Variants in SGSM2 observed in about 807,000 individuals in gnomAD.
SGSM2 encodes RUN and TBC1 domain containing 1.
SGSM2 carries 89 observed loss-of-function variants against 126.6 expected under a neutral mutation model. The ratio of observed to expected loss-of-function variants is 0.70; its 90% CI spans 0.59 to 0.84. The LOEUF is 0.84. Ranked by LOEUF, SGSM2 falls within the 40% of genes least tolerant of loss-of-function variation. The probability of loss-of-function intolerance (pLI) is 0.00; values close to 1 mark genes in which losing one functional copy is unlikely to be tolerated. For missense variants in SGSM2, 1,404 were observed against 1,416.6 expected, an observed-to-expected ratio of 0.99 and a Z score of 0.14; for synonymous variants, 614 against 574.3, an observed-to-expected ratio of 1.07 and a Z score of -0.99.
At chr17:2,364,275 G>A (rs1451101370) in intron 8 of SGSM2, 92 bp downstream of exon 8, 1 of 1,505,730 alleles carries the variant, frequency 6.6e-7, no homozygotes, top group East Asian at 2.3e-5. Context: ...TGCTCCAGGA[G>A]GCCAACCTCA....
At chr17:2,368,117 G>A (rs1441045446) in intron 12 of SGSM2, among the ~76,000 whole-genome samples, 3 of 152,280 alleles carry the variant, frequency 2.0e-5, no homozygotes, top group South Asian at 2.1e-4. Context: ...CTTCACCTGC[G>A]CCAGGGATAT....
intron 1 of SGSM2, among the ~76,000 whole-genome samples, chr17:2,338,690 C>T (rs540280713): frequency 5.3e-5 from 8 of 151,094 alleles, no homozygotes; most frequent in African/African-American, 1.9e-4. Context: ...TTGGAGACTT[C>T]GAGGCCTGGT....
Position 2,379,107 on chromosome 17 carries a change from T to C in SGSM2, c.2971T>C (p.Phe991Leu). 1 of 1,614,190 alleles carries C rather than the reference T, an allele frequency of 6.2e-7. No individual in the cohort carries two copies. ...AGCCAGGCACATCTCATCGGAGCACTTTGTCCTGTTCATCGCCCTCGCCCT... is the reference window on the plus strand; with the variant it reads ...AGCCAGGCACATCTCATCGGAGCACCTTGTCCTGTTCATCGCCCTCGCCCT... The part of the protein sequence containing the change: ...WAARHISSEH[F>L]VLFIALALVE... The change falls in exon 23 of 24, where the codon TTT becomes CTT. Residue 991 changes from phenylalanine (F) to leucine (L), a missense_variant. Transcript: ENST00000268989.
intron 17 of SGSM2, chr17:2,373,767 T>C: frequency 2.1e-6 from 1 of 478,864 alleles, no homozygotes; most frequent in Admixed American, 3.6e-5. Context: ...AAAGATGGAC[T>C]TACTGGGATT....
rs2065652236 is a variant in SGSM2, at chr17:2,367,518, C to T, written c.1423+113C>T. ...AGTGTTGGCATTAGGGGACTTGCAC[C>T]CAGGGCAGTTCCCTTCCATCGGGGG... On this transcript the variant is annotated intron_variant, in intron 12 of 23. Transcript: ENST00000268989. The surrounding 1 kb of genome is among the most constrained non-coding windows in gnomAD (Gnocchi z 4.0). 8 of 1,231,372 alleles carry T rather than the reference C, an allele frequency of 6.5e-6. No homozygotes were observed. Among genetic ancestry groups the T allele is most frequent in the African/African-American group, 1.5e-5 (1 of 67,260 alleles). The allele number at this position is 1,231,372 out of a possible 1,614,324, so 76.3% of individuals were successfully genotyped here. A position where few individuals can be genotyped will look rare whatever the true frequency, so the allele number is the denominator to read the frequency against.
Position 2,365,074 on chromosome 17 carries a change from G to T in SGSM2, c.1161+17G>T, listed in dbSNP as rs747404030. On this transcript the variant is annotated intron_variant, in intron 10 of 23. Coordinates refer to ENST00000268989, the MANE Select transcript of SGSM2 (RefSeq NM_014853.3). The stretch of plus-strand genomic sequence containing the variant: ...CAAGGGAAGGTAACTCGGGTGGGAG[G>T]CTTTAGGGGAAGGGCTGTGTGTGGG... 6.2e-7 allele frequency: 1 copy of T among 1,609,416 alleles called. No homozygotes were observed. The highest frequency in any genetic ancestry group is 1.1e-5 in the South Asian group (1 of 91,050).
chr17:2,350,357 C>T (rs1437181642), intron 2 of SGSM2, among the ~76,000 whole-genome samples: 1 of 151,556 alleles, frequency 6.6e-6, no homozygotes. Context: ...CACCTGTAAT[C>T]GCAGCACTTT....
At chr17:2,342,869 C>T (rs1194385711) in intron 1 of SGSM2, among the ~76,000 whole-genome samples, 2 of 151,238 alleles carry the variant, frequency 1.3e-5, no homozygotes, top group Non-Finnish European at 3.0e-5. Context: ...CCCAGCTACT[C>T]GGGAGGCTGA....
At chr17:2,379,409 C>T (rs1567855970) in intron 23 of SGSM2, 23 bp from the exon 24 acceptor site, 1 of 1,607,566 alleles carries the variant, frequency 6.2e-7, no homozygotes, top group South Asian at 1.1e-5. Flanking sequence ...GGCCTCTCTA[C>T]AGCTCTTCAC....
At chr17:2,352,746 T>G (rs1157843029) in intron 2 of SGSM2, among the ~76,000 whole-genome samples, 1 of 146,230 alleles carries the variant, frequency 6.8e-6, no homozygotes, top group South Asian at 2.2e-4. Context: ...CTGATGACCC[T>G]CCTAACCACT....
At chr17:2,345,473 G>A (rs995762467) in intron 2 of SGSM2, among the ~76,000 whole-genome samples, 1 of 151,878 alleles carries the variant, frequency 6.6e-6, no homozygotes, top group Non-Finnish European at 1.5e-5. Flanking sequence ...GCGGGCGCCT[G>A]TAGTCCCAGC....
Position 2,380,432 on chromosome 17 carries a change from T to C in SGSM2, c.*912T>C. 1 of 872,456 alleles carries C rather than the reference T, an allele frequency of 1.1e-6. No individual in the cohort carries two copies. The highest frequency in any genetic ancestry group is 1.8e-6 in the Non-Finnish European group (1 of 551,098). The allele number at this position is 872,456 out of a possible 1,614,324, so 54.0% of individuals were successfully genotyped here. On this transcript the variant is annotated 3_prime_UTR_variant, in exon 24 of 24. Transcript: ENST00000268989. ...CTCAGTTCGAGGGCAGCCCATTATC[T>C]GTCGCAGACATCTGCCATGTCCCTG...
At position 2,375,731 on chromosome 17, in the gene SGSM2, C is replaced by A. The variant is rs771193641; in HGVS notation, c.2340C>A (p.Asp780Glu). Reference sequence around the variant, plus strand: ...AGAGCGTGGGCTTCGAAGAGGAGGACGGCGGTGGGGAGGAAGGCTCCAGTG... The same window carrying A: ...AGAGCGTGGGCTTCGAAGAGGAGGAAGGCGGTGGGGAGGAAGGCTCCAGTG... ...EGQSVGFEEE[D>E]GGGEEGSSGP... Residue 780 changes from aspartate to glutamate, a missense_variant, in exon 18 of 24, where the codon GAC (aspartate) becomes GAA (glutamate). Coordinates refer to ENST00000268989, the MANE Select transcript of SGSM2 (RefSeq NM_014853.3). 3 of 1,608,732 alleles carry A rather than the reference C, an allele frequency of 1.9e-6. No individual in the cohort carries two copies. In the African/African-American group the frequency reaches 4.0e-5, roughly 22 times the overall value.
At chr17:2,375,981 C>T (rs1461025820) in intron 18 of SGSM2, 106 bp downstream of exon 18, 21 of 1,506,306 alleles carry the variant, frequency 1.4e-5, no homozygotes, top group East Asian at 1.4e-4. Context: ...CCCTGACTGC[C>T]CTGGAAGGGA....
rs1453802707 is a variant in SGSM2, at chr17:2,362,797, G to A, written c.459-41G>A. On this transcript the variant is annotated intron_variant, in intron 4 of 23. Coordinates refer to ENST00000268989, the MANE Select transcript of SGSM2 (RefSeq NM_014853.3). This position sits in a 1 kb window ranked among gnomAD's most constrained non-coding sequence, Gnocchi z 4.9. ...GGTGAGCTTGACTGCCCTGGAATGA[G>A]CCCCGGAGCCTCGGCAGTCACACTG... 1.9e-6 allele frequency: 3 copies of A among 1,608,434 alleles called. No homozygotes were observed. Among genetic ancestry groups the A allele is most frequent in the Non-Finnish European group, 2.6e-6 (3 of 1,176,192 alleles).
chr17:2,361,413 G>A (rs541639794), intron 2 of SGSM2, among the ~76,000 whole-genome samples: 5 of 152,312 alleles, frequency 3.3e-5, no homozygotes, highest in South Asian at 2.1e-4. Flanking sequence ...AGGTGTGTGC[G>A]CACCAGGCGA....
chr17:2,375,850 C>T lies in SGSM2; in HGVS notation c.2459C>T (p.Ala820Val), dbSNP rs61744995. The change falls in exon 18 of 24, where the codon GCG becomes GTG. Residue 820 changes from alanine (A) to valine (V), a missense_variant. By Grantham distance (64) the Ala-to-Val change is moderately conservative (BLOSUM62 0). Transcript: ENST00000268989. Reference protein sequence around the residue: ...AGELEAGEELAAVCAAAYTIE... With the variant: ...AGELEAGEELVAVCAAAYTIE... ...GAACTGGAGGCCGGAGAGGAGCTTGCGGCTGTGTGTGCGGCTGCCTACACT... is the reference window on the plus strand; with the variant it reads ...GAACTGGAGGCCGGAGAGGAGCTTGTGGCTGTGTGTGCGGCTGCCTACACT... 7.5e-3 allele frequency: 11,459 copies of T among 1,528,948 alleles called. 725 individuals carry two copies. In the African/African-American group the frequency reaches 0.13, roughly 18 times the overall value. The allele number at this position is 1,528,948 out of a possible 1,614,324, so 94.7% of individuals were successfully genotyped here.
In SGSM2 at chr17:2,372,661, G is replaced by C; in HGVS notation, c.1788+173G>C. On this transcript the variant is annotated intron_variant, in intron 15 of 23. Coordinates refer to ENST00000268989, the MANE Select transcript of SGSM2 (RefSeq NM_014853.3). The surrounding 1 kb of genome is among the most constrained non-coding windows in gnomAD (Gnocchi z 6.0). ...GCTGGGCCTGGGGCTGACACGGGAA[G>C]GGGGCTGGACTGGGAAGCCGTCCTG... 1 of 1,006,944 alleles carries C rather than the reference G, an allele frequency of 9.9e-7. No homozygotes were observed. The highest frequency in any genetic ancestry group is 1.5e-6 in the Non-Finnish European group (1 of 680,260). The allele number at this position is 1,006,944 out of a possible 1,614,324, so 62.4% of individuals were successfully genotyped here.
At chr17:2,365,401 C>T (rs1035643086) in intron 11 of SGSM2, 60 bp downstream of exon 11, 14 of 1,473,434 alleles carry the variant, frequency 9.5e-6, no homozygotes, top group South Asian at 2.8e-5. Flanking sequence ...AGGCGGGGAG[C>T]GCAGCGTCAC....
Sources: allele counts gnomAD v4.1 joint callset (sites outside exome capture counted in the v4.1 genomes callset), GRCh38; gene constraint gnomAD v4.1.1; non-coding constraint Gnocchi (gnomAD v3.1); transcripts MANE v1.5; gene names NCBI Gene and HGNC (gene_info 2026-07-23, HGNC 2026-07-21).